The following GATA4 variants were observed in gnomAD, a reference collection of about 807,000 sequenced individuals.
GATA4 encodes GATA binding protein 4, also known as transcription factor GATA-4.
In GATA4, 7 loss-of-function variants were observed where a neutral mutation model predicts 37.9. The observed-to-expected ratio is 0.18, with a 90% CI of 0.11 to 0.35. GATA4 has a LOEUF of 0.35. GATA4 is among the 10% of genes least tolerant of loss of function. GATA4 has a pLI of 1.00. For synonymous variants in GATA4, 372 were observed against 292.6 expected (o/e 1.27, Z -2.77); for missense variants, 647 against 653.0 (o/e 0.99, Z 0.10).
intron 2 of GATA4, among the ~76,000 whole-genome samples, chr8:11,712,241 A>G (rs1800218122): frequency 6.6e-6 from 1 of 152,238 alleles, no homozygotes; most frequent in African/African-American, 2.4e-5. Context: ...GGGTTTTCCC[A>G]GAATGTGGGA....
intron 1 of GATA4, among the ~76,000 whole-genome samples, chr8:11,694,789 G>C (rs1014880359): frequency 3.3e-5 from 5 of 152,144 alleles, no homozygotes; most frequent in African/African-American, 1.2e-4. Flanking sequence ...ACTGGAGTTA[G>C]AAACAATCAT....
chr8:11,692,796 G>C, intron 1 of GATA4: 1 of 982,452 alleles, frequency 1.0e-6, no homozygotes, highest in Non-Finnish European at 1.2e-6. Context: ...GGGAGGAAGC[G>C]GGGCCGGCGC....
upstream of GATA4, among the ~76,000 whole-genome samples, chr8:11,699,267 T>C (rs952009042): frequency 6.6e-6 from 1 of 152,192 alleles, no homozygotes; most frequent in Non-Finnish European, 1.5e-5. Context: ...ATTTTACTAG[T>C]CCAGGGATGT....
In GATA4 at chr8:11,749,742, C is replaced by T. The variant is rs998610441; in HGVS notation, c.787-369C>T. Among the ~76,000 whole-genome samples the T allele has an allele frequency of 6.6e-6, 1 of 152,190 alleles. No individual in the cohort carries two copies. Among genetic ancestry groups the T allele is most frequent in the Non-Finnish European group, 1.5e-5 (1 of 68,038 alleles). On this transcript the variant is annotated intron_variant, in intron 3 of 6. Coordinates refer to ENST00000532059, the MANE Select transcript of GATA4 (RefSeq NM_001308093.3). The surrounding 1 kb of genome is among the most constrained non-coding windows in gnomAD (Gnocchi z 4.6). ...ATACCATTTGGACACCGTGATTCCT[C>T]ACTCTCTGCCTGCCCCCGGCACCTG...
intron 2 of GATA4, among the ~76,000 whole-genome samples, chr8:11,710,413 C>G (rs1742082286): frequency 6.6e-6 from 1 of 151,830 alleles, no homozygotes; most frequent in Non-Finnish European, 1.5e-5. Flanking sequence ...TGCGCGCTTA[C>G]GGGGTCCTCT....
At position 11,749,890 on chromosome 8, in the gene GATA4, C is replaced by A. The variant is rs1240491571; in HGVS notation, c.787-221C>A. Among the ~76,000 whole-genome samples the A allele has an allele frequency of 6.6e-6, 1 of 152,220 alleles. No individual in the cohort carries two copies. Among genetic ancestry groups the A allele is most frequent in the Non-Finnish European group, 1.5e-5 (1 of 68,042 alleles). The stretch of plus-strand genomic sequence containing the variant: ...GAAACCAGGTCTCGATGCCCACGTT[C>A]GCTCTCCTCGGGCAGCAGAAACCTT... On this transcript the variant is annotated intron_variant, in intron 3 of 6. Transcript: ENST00000532059. The surrounding 1 kb of genome is among the most constrained non-coding windows in gnomAD (Gnocchi z 4.6).
At chr8:11,739,575 T>TTA (rs1801624394) in intron 2 of GATA4, among the ~76,000 whole-genome samples, 1 of 151,394 alleles carries the variant, frequency 6.6e-6, no homozygotes, top group Non-Finnish European at 1.5e-5. Flanking sequence ...CACAGCTGAA[T>TTA]TATATTGTGT....
At chr8:11,715,177 C>T (rs1404721014) in intron 2 of GATA4, among the ~76,000 whole-genome samples, 1 of 151,954 alleles carries the variant, frequency 6.6e-6, no homozygotes, top group Non-Finnish European at 1.5e-5. Context: ...TAGCACTTTA[C>T]TGTTTGTGTT....
At chr8:11,701,250 A>G (rs1799667043), upstream of GATA4, among the ~76,000 whole-genome samples, 1 of 150,698 alleles carries the variant, frequency 6.6e-6, no homozygotes, top group South Asian at 2.1e-4. Context: ...CTTAGAAAAA[A>G]AAAAAAAAAA....
At chr8:11,703,567 C>T (rs1433794733), upstream of GATA4, among the ~76,000 whole-genome samples, 1 of 152,200 alleles carries the variant, frequency 6.6e-6, no homozygotes, top group Non-Finnish European at 1.5e-5. Context: ...GAAGTGTCGC[C>T]AGGAAGGGAT....
In GATA4 at chr8:11,758,285, C is replaced by T; in HGVS notation, c.1150-8C>T. The T allele has an allele frequency of 6.2e-7, 1 of 1,614,136 alleles. No homozygotes were observed. Among genetic ancestry groups the T allele is most frequent in the African/African-American group, 1.3e-5 (1 of 75,046 alleles). ...CATGGGCCTCATCGTGTGCTTTCTG[C>T]TTTTCAGACGTTCTCAGTCAGTGCG... On this transcript the variant is annotated splice_region_variant and splice_polypyrimidine_tract_variant and intron_variant, in intron 6 of 6. Coordinates refer to ENST00000532059, the MANE Select transcript of GATA4 (RefSeq NM_001308093.3).
At chr8:11,735,853 G>C (rs1405715025) in intron 2 of GATA4, among the ~76,000 whole-genome samples, 1 of 152,138 alleles carries the variant, frequency 6.6e-6, no homozygotes, top group Non-Finnish European at 1.5e-5. Context: ...GAGCCACCGC[G>C]CCTAGCTGAG....
rs115606110 is a variant in GATA4, at chr8:11,685,613, G to A, written c.-274+8550G>A. ...GGACTCCTGATTCCAGGCTAGAGAT[G>A]TTCACAGTTGGTAGGAGTGATTTTT... On this transcript the variant is annotated intron_variant, in intron 1 of 6. Transcript: ENST00000528712. 4.4e-3 allele frequency among the ~76,000 whole-genome samples: 663 copies of A among 152,322 alleles called. 8 individuals carry two copies. The highest frequency in any genetic ancestry group is 0.013 in the African/African-American group (544 of 41,552).
In GATA4 at chr8:11,758,366, C is replaced by G. The variant is rs115099192; in HGVS notation, c.1223C>G (p.Pro408Arg). The change falls in exon 7 of 7, where the codon CCA becomes CGA. Residue 408 changes from proline (P) to arginine (R), a missense_variant. By Grantham distance (103) the Pro-to-Arg change is moderately radical. Transcript: ENST00000532059. ...GTCCTCTCGGCCCTGAAGCTCTCCC[C>G]ACAAGGCTATGCGTCTCCCGTCAGC... ...HPVLSALKLS[P>R]QGYASPVSQS... The G allele has an allele frequency of 7.7e-5, 124 of 1,614,106 alleles. No homozygotes were observed. The highest frequency in any genetic ancestry group is 2.2e-4 in the Admixed American group (13 of 60,014).
chr8:11,708,376 G>C lies in GATA4; in HGVS notation c.64G>C (p.Gly22Arg). 1 of 1,555,702 alleles carries C rather than the reference G, an allele frequency of 6.4e-7. No individual in the cohort carries two copies. Residue 22 changes from glycine to arginine, a missense_variant, in exon 2 of 7, where the codon GGC becomes CGC. Around this residue, in one of 5 missense-constraint regions of GATA4, gnomAD observed 379 missense variants for 334.5 expected, o/e 1.13. Transcript: ENST00000532059. The surrounding 1 kb of genome is among the most constrained non-coding windows in gnomAD (Gnocchi z 6.7). Reference protein sequence around the residue: ...GPPPGAYEAGGPGAFMHGAGA... With the variant: ...GPPPGAYEAGRPGAFMHGAGA... ...GCCCCCCGGTGCCTACGAGGCGGGC[G>C]GCCCCGGCGCCTTCATGCACGGCGC...
intron 2 of GATA4, among the ~76,000 whole-genome samples, chr8:11,733,908 G>A (rs933089994): frequency 2.0e-5 from 3 of 152,228 alleles, no homozygotes; most frequent in Non-Finnish European, 4.4e-5. Context: ...GAGGCATTAA[G>A]AGCCATTACG....
At chr8:11,678,475 T>A (rs548986029) in intron 1 of GATA4, among the ~76,000 whole-genome samples, 18 of 152,328 alleles carry the variant, frequency 1.2e-4, no homozygotes, top group Admixed American at 7.2e-4. Context: ...TTGCTAATGT[T>A]TTCCCAGGGC....
rs908377259 is a variant in GATA4, at chr8:11,726,228, C to T, written c.616+17300C>T. Among the ~76,000 whole-genome samples, 3 of 152,148 alleles carry T rather than the reference C, an allele frequency of 2.0e-5. No homozygotes were observed. The East Asian group carries it at 5.8e-4, about 29-fold the overall frequency. On this transcript the variant is annotated intron_variant, in intron 2 of 6. Coordinates refer to ENST00000532059, the MANE Select transcript of GATA4 (RefSeq NM_001308093.3). ...TGAGACATCTTCGGCGGGAGCGGAGCCATCCTTGTAAAAGGAACCTGAGAA... is the reference window on the plus strand; with the variant it reads ...TGAGACATCTTCGGCGGGAGCGGAGTCATCCTTGTAAAAGGAACCTGAGAA...
intron 1 of GATA4, among the ~76,000 whole-genome samples, chr8:11,678,605 G>A (rs1053240552): frequency 2.0e-5 from 3 of 152,204 alleles, no homozygotes; most frequent in Non-Finnish European, 4.4e-5. Context: ...AAGGTGGCTA[G>A]AATCCTGTGA....
Sources: gnomAD v4.1 joint callset for allele counts (sites outside exome capture counted in the v4.1 genomes callset) on GRCh38, gnomAD v4.1.1 for gene constraint, gnomAD v4.1.1 regional missense constraint, Gnocchi (gnomAD v3.1) non-coding constraint, MANE v1.5 for transcripts, NCBI Gene and HGNC (gene_info 2026-07-23, HGNC 2026-07-21) for gene names.